PDE10A: variants seen among roughly 807,000 people sequenced by gnomAD.
The protein encoded by PDE10A is phosphodiesterase 10A.
PDE10A carries 39 observed loss-of-function variants against 97.7 expected under a neutral mutation model. The observed-to-expected ratio is 0.40, with a 90% CI of 0.31 to 0.52. The LOEUF (loss-of-function observed/expected upper bound fraction) is 0.52, where lower values mean the gene tolerates loss of function less well. Ranked by LOEUF, PDE10A falls within the 20% of genes least tolerant of loss-of-function variation. The pLI is 0.56. For synonymous variants in PDE10A, 371 were observed against 376.8 expected, an observed-to-expected ratio of 0.98 and a Z score of 0.18; for missense variants, 731 against 1,047.8, an observed-to-expected ratio of 0.70 and a Z score of 4.17.
At chr6:165,854,059 A>T (rs755472328) in intron 1 of PDE10A, among the ~76,000 whole-genome samples, 23 of 152,126 alleles carry the variant, frequency 1.5e-4, no homozygotes, top group Admixed American at 5.2e-4. Context: ...GCTGCGCTGG[A>T]CCCAGACAGA....
chr6:165,562,705 C>G (rs928857938), intron 1 of PDE10A, among the ~76,000 whole-genome samples: 17 of 152,192 alleles, frequency 1.1e-4, no homozygotes, highest in Non-Finnish European at 1.5e-5. Context: ...GTTCTCTTAT[C>G]AACTAGGCCT....
rs140510993 is a variant in PDE10A at position 165,752,871 on chromosome 6, C to T, written c.-614-209303G>A. 5.9e-5 allele frequency among the ~76,000 whole-genome samples: 9 copies of T among 152,332 alleles called. No homozygotes were observed. The East Asian group carries it at 1.5e-3, about 26-fold the overall frequency. ...GTCAACATGGAGGTAAGGAAGTCAC[C>T]TGCTAACAGATGCTGCTCGACGTAT... On this transcript the variant is annotated intron_variant, in intron 1 of 19. Coordinates refer to the PDE10A transcript ENST00000366882.
intron 1 of PDE10A, among the ~76,000 whole-genome samples, chr6:165,621,426 C>A (rs56381911): frequency 0.028 from 4,295 of 152,202 alleles, 176 homozygotes; most frequent in African/African-American, 0.095. Context: ...AAAATAGGAT[C>A]TCCGGCAGGC....
At chr6:165,606,113 C>G (rs1787194212) in intron 1 of PDE10A, among the ~76,000 whole-genome samples, 2 of 139,060 alleles carry the variant, frequency 1.4e-5, no homozygotes, top group Middle Eastern at 8.1e-3. Context: ...AGGAGTCACA[C>G]AGTCTGACCT....
chr6:165,827,380 TC>T (rs1779792810), intron 1 of PDE10A, among the ~76,000 whole-genome samples: 1 of 152,172 alleles, frequency 6.6e-6, no homozygotes, highest in Non-Finnish European at 1.5e-5. Context: ...AGCGCCAAGC[TC>T]CACCCCGAAC....
At chr6:165,840,148 A>G (rs1222138509) in intron 1 of PDE10A, among the ~76,000 whole-genome samples, 1 of 148,796 alleles carries the variant, frequency 6.7e-6, no homozygotes, top group Non-Finnish European at 1.5e-5. Context: ...GCTCATCTCA[A>G]TTTCCATCTT....
chr6:165,623,468 C>T (rs1053276036), intron 1 of PDE10A, among the ~76,000 whole-genome samples: 1 of 151,218 alleles, frequency 6.6e-6, no homozygotes. Flanking sequence ...AGCCTTTTAA[C>T]CTATGACATA....
Position 165,655,527 on chromosome 6 carries a change from A to G in PDE10A, c.865+6420T>C, listed in dbSNP as rs1015003566. Among the ~76,000 whole-genome samples the G allele has an allele frequency of 6.0e-5, 9 of 148,884 alleles. No individual in the cohort carries two copies. The highest frequency in any genetic ancestry group is 2.2e-4 in the African/African-American group (9 of 40,232). On this transcript the variant is annotated intron_variant, in intron 1 of 21. Transcript: ENST00000539869. This position sits in a 1 kb window ranked among gnomAD's most constrained non-coding sequence, Gnocchi z 4.5. ...TCCAACCCACCTGCAGGTCTTATAC[A>G]CGCCACCTCCAAACACCTCCTGAAC... is the stretch of plus-strand genomic sequence containing the variant.
chr6:165,361,033 T>C (rs1024608842), intron 18 of PDE10A, among the ~76,000 whole-genome samples: 3 of 152,202 alleles, frequency 2.0e-5, no homozygotes, highest in African/African-American at 7.2e-5. Flanking sequence ...AAGCCAGACA[T>C]TTATCAAATA....
chr6:165,691,587 GCGCGCACACACACACA>G (rs1349468163), intron 1 of PDE10A, among the ~76,000 whole-genome samples: 1 of 46,592 alleles, frequency 2.1e-5, no homozygotes, highest in African/African-American at 3.9e-5. Flanking sequence ...GCATGCACGC[GCGCGCACACACACACA>G]CACACACACA....
At chr6:165,909,478 T>C (rs1782395054) in intron 1 of PDE10A, among the ~76,000 whole-genome samples, 1 of 152,236 alleles carries the variant, frequency 6.6e-6, no homozygotes, top group African/African-American at 2.4e-5. Context: ...TTCCTGGTTT[T>C]ACGCATATTA....
At chr6:165,495,381 A>G (rs1366348188) in intron 2 of PDE10A, among the ~76,000 whole-genome samples, 1 of 152,068 alleles carries the variant, frequency 6.6e-6, no homozygotes, top group Non-Finnish European at 1.5e-5. Flanking sequence ...CAGGAAGGAG[A>G]AAAAGAGGAA....
At chr6:165,710,277 C>T (rs901052360) in intron 1 of PDE10A, among the ~76,000 whole-genome samples, 5 of 152,172 alleles carry the variant, frequency 3.3e-5, no homozygotes, top group Non-Finnish European at 5.9e-5. Context: ...GTATCTTGGT[C>T]CTAATTGCAT....
chr6:165,428,322 G>A (rs776595404), intron 10 of PDE10A, among the ~76,000 whole-genome samples: 1 of 152,090 alleles, frequency 6.6e-6, no homozygotes, highest in Non-Finnish European at 1.5e-5. Context: ...GAACTAAGTA[G>A]AATGAACTTG....
chr6:165,928,585 G>A (rs1457954320), intron 1 of PDE10A, among the ~76,000 whole-genome samples: 1 of 152,168 alleles, frequency 6.6e-6, no homozygotes, highest in Non-Finnish European at 1.5e-5. Context: ...CCATGGCAGA[G>A]CAAAAGGGGG....
At chr6:165,887,908 CT>C (rs1325315626) in intron 1 of PDE10A, among the ~76,000 whole-genome samples, 1 of 152,184 alleles carries the variant, frequency 6.6e-6, no homozygotes, top group Non-Finnish European at 1.5e-5. Flanking sequence ...AGACAAAGTT[CT>C]TTCAATGGCT....
intron 1 of PDE10A, among the ~76,000 whole-genome samples, chr6:165,928,593 G>A (rs977706799): frequency 6.6e-6 from 1 of 152,160 alleles, no homozygotes; most frequent in African/African-American, 2.4e-5. Flanking sequence ...GAGCAAAAGG[G>A]GGACATTTCC....
intron 1 of PDE10A, among the ~76,000 whole-genome samples, chr6:165,705,546 T>G (rs1165639583): frequency 6.6e-6 from 1 of 152,190 alleles, no homozygotes; most frequent in African/African-American, 2.4e-5. Flanking sequence ...GAAGGCAAAT[T>G]TCATGAATTC....
chr6:165,875,734 T>TTTTTATG (rs1554334710), intron 1 of PDE10A, among the ~76,000 whole-genome samples: 25 of 121,694 alleles, frequency 2.1e-4, no homozygotes, highest in Admixed American at 2.0e-3. Flanking sequence ...TTTTACTGTT[T>TTTTTATG]TTTTTTTTTT....
Sources: gnomAD v4.1 joint callset for allele counts (sites outside exome capture counted in the v4.1 genomes callset) on GRCh38, gnomAD v4.1.1 for gene constraint, Gnocchi (gnomAD v3.1) non-coding constraint, MANE v1.5 for transcripts, NCBI Gene and HGNC (gene_info 2026-07-23, HGNC 2026-07-21) for gene names.